Variants in CSMD3 observed in about 807,000 individuals in gnomAD.
CSMD3 encodes the protein CUB and Sushi multiple domains 3, also known as CUB and sushi domain-containing protein 3.
A neutral mutation model predicts 435.2 loss-of-function variants in CSMD3; 177 were observed. The observed-to-expected ratio is 0.41, with a 90% CI of 0.36 to 0.46. The LOEUF (loss-of-function observed/expected upper bound fraction) is 0.46. Ranked by LOEUF, CSMD3 falls within the 20% of genes least tolerant of loss-of-function variation. CSMD3 has a pLI of 0.34. For synonymous variants in CSMD3, 1,656 were observed against 1,520.5 expected (o/e 1.09, Z -2.07); for missense variants, 4,265 against 4,504.6 (o/e 0.95, Z 1.52).
intron 31 of CSMD3, among the ~76,000 whole-genome samples, chr8:112,476,684 T>C (rs888723871): frequency 6.6e-6 from 1 of 152,210 alleles, no homozygotes; most frequent in Admixed American, 6.5e-5. Flanking sequence ...TGTATGCCTA[T>C]AGAACCCAAT....
intron 11 of CSMD3, among the ~76,000 whole-genome samples, chr8:112,852,738 C>T (rs972706022): frequency 7.9e-5 from 12 of 152,016 alleles, no homozygotes; most frequent in African/African-American, 1.9e-4. Flanking sequence ...CTGGCTAACA[C>T]GGTGAAACCC....
intron 1 of CSMD3, among the ~76,000 whole-genome samples, chr8:113,390,026 G>A (rs559911903): frequency 4.0e-5 from 6 of 151,810 alleles, no homozygotes; most frequent in African/African-American, 1.4e-4. Context: ...TGCATTGTGT[G>A]TATTATTGCC....
intron 6 of CSMD3, among the ~76,000 whole-genome samples, chr8:112,986,860 G>C (rs1948845): frequency 0.6 from 90,656 of 151,736 alleles, 28,521 homozygotes; most frequent in East Asian, 0.95. Context: ...TCAGGTAATA[G>C]AAAATATAAA....
chr8:112,661,897 A>G (rs1183194040), intron 17 of CSMD3, among the ~76,000 whole-genome samples: 1 of 152,094 alleles, frequency 6.6e-6, no homozygotes. Flanking sequence ...CAGAAAAACA[A>G]ATAATTAAAT....
chr8:112,616,513 A>G (rs1260184184), intron 22 of CSMD3, among the ~76,000 whole-genome samples: 1 of 152,132 alleles, frequency 6.6e-6, no homozygotes, highest in Non-Finnish European at 1.5e-5. Flanking sequence ...CAAGTAGTCA[A>G]GTAGTCCCTC....
chr8:112,406,637 G>A lies in CSMD3; in HGVS notation c.5696C>T (p.Ser1899Leu), dbSNP rs138787176. 117 of 1,612,406 alleles carry A rather than the reference G, an allele frequency of 7.3e-5. No homozygotes were observed. In the African/African-American group the frequency reaches 1.2e-3, roughly 17 times the overall value. Residue 1899 changes from serine (S) to leucine (L), a missense_variant, in exon 35 of 71, where the codon TCG (serine) becomes TTG (leucine). By Grantham distance (145) the Ser-to-Leu change is moderately radical (BLOSUM62 -2). Coordinates refer to ENST00000297405, the MANE Select transcript of CSMD3 (RefSeq NM_198123.2). ...RIGNEFAVGS[S>L]VLFDCNPGYI... ...TCCTGGATTACAATCAAAAAGAACC[G>A]ATGAACCGACTGCAAATTCATTGCC...
rs78132290 is a variant in CSMD3 at position 112,644,013 on chromosome 8, A to G, written c.3310+1096T>C. On this transcript the variant is annotated intron_variant, in intron 20 of 70. Transcript: ENST00000297405. ...GACTTTTTCTTTTTTTAGATTTTCT[A>G]TATTAAAATCAATAAATATATTTTA... 1.2e-4 allele frequency among the ~76,000 whole-genome samples: 18 copies of G among 151,730 alleles called. No homozygotes were observed. The East Asian group carries it at 3.5e-3, about 29-fold the overall frequency.
At chr8:112,277,902 C>T (rs1586629654) in intron 59 of CSMD3, among the ~76,000 whole-genome samples, 2 of 152,070 alleles carry the variant, frequency 1.3e-5, no homozygotes, top group East Asian at 1.9e-4. Flanking sequence ...AAATTATCTC[C>T]CACTGGGTCC....
chr8:112,559,351 A>G (rs1030968283), intron 24 of CSMD3, among the ~76,000 whole-genome samples: 1 of 151,910 alleles, frequency 6.6e-6, no homozygotes, highest in African/African-American at 2.4e-5. Context: ...GATCCTTTCC[A>G]TCCAATCTCC....
intron 4 of CSMD3, among the ~76,000 whole-genome samples, chr8:113,108,447 G>C (rs1189356573): frequency 6.6e-6 from 1 of 150,458 alleles, no homozygotes; most frequent in African/African-American, 2.4e-5. Flanking sequence ...AAAAGGTTAT[G>C]TATGTTGCAG....
At chr8:113,399,516 C>A (rs769808383) in intron 1 of CSMD3, among the ~76,000 whole-genome samples, 1 of 150,718 alleles carries the variant, frequency 6.6e-6, no homozygotes, top group Admixed American at 6.6e-5. Context: ...ACCTGGAAAA[C>A]GGTTTGCTAA....
intron 4 of CSMD3, among the ~76,000 whole-genome samples, chr8:113,145,957 A>G (rs780851831): frequency 2.0e-5 from 3 of 151,586 alleles, no homozygotes; most frequent in Non-Finnish European, 3.0e-5. Context: ...AACTCTTTCA[A>G]TAAGCATTTG....
intron 1 of CSMD3, among the ~76,000 whole-genome samples, chr8:113,324,001 C>G (rs1330800334): frequency 6.6e-6 from 1 of 152,066 alleles, no homozygotes; most frequent in Non-Finnish European, 1.5e-5. Flanking sequence ...TGTCCCCACC[C>G]AAATCTCATC....
intron 1 of CSMD3, among the ~76,000 whole-genome samples, chr8:113,345,127 G>A (rs774488835): frequency 5.3e-5 from 8 of 151,994 alleles, no homozygotes; most frequent in Non-Finnish European, 1.2e-4. Context: ...ATACTTACCT[G>A]AGGCAACATA....
intron 4 of CSMD3, among the ~76,000 whole-genome samples, chr8:113,167,293 A>T (rs543000641): frequency 6.6e-6 from 1 of 152,312 alleles, no homozygotes; most frequent in Non-Finnish European, 1.5e-5. Flanking sequence ...GATAGTTTTG[A>T]GCACCTTCTA....
intron 38 of CSMD3, among the ~76,000 whole-genome samples, chr8:112,379,433 C>T (rs1452663649): frequency 6.6e-6 from 1 of 152,150 alleles, no homozygotes; most frequent in Non-Finnish European, 1.5e-5. Context: ...CATGCCATTC[C>T]ATTCTAGCCT....
intron 22 of CSMD3, among the ~76,000 whole-genome samples, chr8:112,635,222 G>A (rs4876289): frequency 0.084 from 12,836 of 151,984 alleles, 615 homozygotes; most frequent in East Asian, 0.13. Context: ...GATTGTGCCA[G>A]GTGTCTGATT....
At chr8:113,342,355 G>C (rs2094125279) in intron 1 of CSMD3, among the ~76,000 whole-genome samples, 1 of 152,116 alleles carries the variant, frequency 6.6e-6, no homozygotes, top group Non-Finnish European at 1.5e-5. Flanking sequence ...ATTGTAAATA[G>C]ACGTTATAGC....
At chr8:112,745,059 T>C (rs970642186) in intron 13 of CSMD3, among the ~76,000 whole-genome samples, 2 of 152,146 alleles carry the variant, frequency 1.3e-5, no homozygotes, top group African/African-American at 4.8e-5. Flanking sequence ...ACAGTTATGA[T>C]ACAGGTAAGC....
Sources: allele counts gnomAD v4.1 joint callset (sites outside exome capture counted in the v4.1 genomes callset), GRCh38; gene constraint gnomAD v4.1.1; transcripts MANE v1.5; gene names NCBI Gene and HGNC (gene_info 2026-07-23, HGNC 2026-07-21).